The following ZFP91 variants were observed in gnomAD, a reference collection of about 807,000 sequenced individuals.
The protein encoded by ZFP91 is ZFP91 zinc finger protein, atypical E3 ubiquitin ligase, also known as E3 ubiquitin-protein ligase ZFP91.
ZFP91 carries 7 observed loss-of-function variants against 63.5 expected under a neutral mutation model. The ratio of observed to expected loss-of-function variants is 0.11; its 90% CI spans 0.06 to 0.21. The LOEUF (loss-of-function observed/expected upper bound fraction) is 0.21. Among genes scored for constraint, ZFP91 ranks in the 10% least tolerant of loss-of-function variants. The pLI is 1.00. For missense variants in ZFP91, 628 were observed against 736.6 expected, an observed-to-expected ratio of 0.85 and a Z score of 1.71; for synonymous variants, 330 against 272.1, an observed-to-expected ratio of 1.21 and a Z score of -2.10.
intron 1 of ZFP91, among the ~76,000 whole-genome samples, chr11:58,580,261 A>G (rs907021178): frequency 6.6e-5 from 10 of 152,186 alleles, no homozygotes; most frequent in African/African-American, 2.2e-4. Context: ...ACTAAGTAGC[A>G]TATGTTTTAT....
At position 58,611,068 on chromosome 11, in the gene ZFP91, T is replaced by A. The variant is rs1284695887; in HGVS notation, c.722+14T>A. 4 of 1,605,494 alleles carry A rather than the reference T, an allele frequency of 2.5e-6. No individual in the cohort carries two copies. The highest frequency in any genetic ancestry group is 3.4e-6 in the Non-Finnish European group (4 of 1,173,334). ...CCACTTAGAAAGGCATGTCTCAGAT[T>A]TTACTGCAGACATGTTAATGAAATA... On this transcript the variant is annotated intron_variant, in intron 5 of 10. Coordinates refer to ENST00000316059, the MANE Select transcript of ZFP91 (RefSeq NM_053023.5).
intron 2 of ZFP91, among the ~76,000 whole-genome samples, chr11:58,604,753 C>G (rs907931315): frequency 2.0e-5 from 3 of 152,086 alleles, no homozygotes; most frequent in African/African-American, 7.2e-5. Flanking sequence ...ATTTTTTTAT[C>G]TTATCAGCTA....
chr11:58,603,399 GACTTGGTATATA>G (rs1855522433), intron 2 of ZFP91, among the ~76,000 whole-genome samples: 1 of 152,226 alleles, frequency 6.6e-6, no homozygotes, highest in Non-Finnish European at 1.5e-5. Context: ...TCTCTAAAGA[GACTTGGTATATA>G]ACTTGTGGAT....
intron 2 of ZFP91, among the ~76,000 whole-genome samples, chr11:58,601,030 A>T (rs1435104293): frequency 6.6e-6 from 1 of 152,126 alleles, no homozygotes; most frequent in African/African-American, 2.4e-5. Context: ...TCTTCTTAAT[A>T]TGATGCTATA....
intron 2 of ZFP91, among the ~76,000 whole-genome samples, chr11:58,595,565 T>C (rs1855383147): frequency 6.9e-6 from 1 of 144,026 alleles, no homozygotes; most frequent in South Asian, 2.3e-4. Context: ...CTGCCAGTAG[T>C]ATCAATCTTT....
chr11:58,589,352 A>C (rs1310946231), intron 2 of ZFP91, among the ~76,000 whole-genome samples: 1 of 152,188 alleles, frequency 6.6e-6, no homozygotes, highest in Non-Finnish European at 1.5e-5. Context: ...GGCATAAGCC[A>C]CTACACCCAG....
intron 2 of ZFP91, among the ~76,000 whole-genome samples, chr11:58,600,416 G>T (rs1855474395): frequency 6.6e-6 from 1 of 151,306 alleles, no homozygotes; most frequent in African/African-American, 2.4e-5. Flanking sequence ...ATATATTCTG[G>T]CACTTTGAAT....
chr11:58,597,093 G>A (rs1483680481), intron 2 of ZFP91, among the ~76,000 whole-genome samples: 1 of 152,100 alleles, frequency 6.6e-6, no homozygotes, highest in Non-Finnish European at 1.5e-5. Context: ...GTCCCTAACT[G>A]GCAAGGTACT....
At chr11:58,585,512 TCC>T (rs1855192057) in intron 2 of ZFP91, among the ~76,000 whole-genome samples, 1 of 152,194 alleles carries the variant, frequency 6.6e-6, no homozygotes, top group Non-Finnish European at 1.5e-5. Context: ...TTGGCTGTGT[TCC>T]TTGATGTTAA....
chr11:58,604,679 G>A (rs1855542665), intron 2 of ZFP91, among the ~76,000 whole-genome samples: 1 of 152,138 alleles, frequency 6.6e-6, no homozygotes, highest in South Asian at 2.1e-4. Flanking sequence ...GGCTCAGAAC[G>A]GCTTTGAATG....
intron 2 of ZFP91, among the ~76,000 whole-genome samples, chr11:58,593,788 A>C (rs1219727917): frequency 1.3e-5 from 2 of 152,182 alleles, no homozygotes; most frequent in East Asian, 3.9e-4. Flanking sequence ...GAAACAAAAA[A>C]CCCTGATCTT....
At chr11:58,614,430 G>C (rs1855717071) in intron 9 of ZFP91, 87 bp downstream of exon 9, 1 of 973,408 alleles carries the variant, frequency 1.0e-6, no homozygotes, top group Non-Finnish European at 1.5e-6. Context: ...TCTAACATAA[G>C]TCTTAAAAGA....
At chr11:58,616,862 C>T (rs1289190485) in intron 10 of ZFP91, 47 bp downstream of exon 10, 5 of 1,563,142 alleles carry the variant, frequency 3.2e-6, no homozygotes, top group African/African-American at 1.4e-5. Context: ...GGATATATGC[C>T]CTACTTGAAG....
chr11:58,579,757 A>T (rs1431223301), intron 1 of ZFP91, 135 bp downstream of exon 1: 1 of 838,242 alleles, frequency 1.2e-6, no homozygotes, highest in Non-Finnish European at 1.7e-6. Flanking sequence ...CAGATGTCAC[A>T]CCGTTTCCCC....
rs1855335266 is a variant in ZFP91 at position 58,593,081 on chromosome 11, A to G, written c.370+8197A>G. On this transcript the variant is annotated intron_variant, in intron 2 of 10. Transcript: ENST00000316059. ...ATGAGGGATCCACCCCCATTACACAAACACCTCCCACATCCAATATTAGGG... is the reference window on the plus strand; with the variant it reads ...ATGAGGGATCCACCCCCATTACACAGACACCTCCCACATCCAATATTAGGG... 2.0e-5 allele frequency among the ~76,000 whole-genome samples: 3 copies of G among 152,326 alleles called. No homozygotes were observed. The South Asian group carries it at 6.2e-4, about 32-fold the overall frequency.
chr11:58,609,816 G>T lies in ZFP91; in HGVS notation c.371-14G>T, dbSNP rs1855627212. ...ACTGTAAACTTAAAGAGAATGGTAT[G>T]TCTTTTTATTTAGATCCCAAGGAAG... On this transcript the variant is annotated splice_polypyrimidine_tract_variant and intron_variant, in intron 2 of 10. Coordinates refer to ENST00000316059, the MANE Select transcript of ZFP91 (RefSeq NM_053023.5). 7 of 1,609,956 alleles carry T rather than the reference G, an allele frequency of 4.3e-6. No homozygotes were observed. The highest frequency in any genetic ancestry group is 6.0e-6 in the Non-Finnish European group (7 of 1,176,238).
rs1371890873 is a variant in ZFP91, at chr11:58,579,071, C to CGG, written c.-210_-209insGG. ...TGGCCCGCTGAGCGTCTGTGGCGCGCGCGCGCGCGCCGCCAGCGGTAGCGG... is the reference window on the plus strand; with the variant it reads ...TGGCCCGCTGAGCGTCTGTGGCGCGCGGGCGCGCGCGCCGCCAGCGGTAGCGG... On this transcript the variant is annotated 5_prime_UTR_variant, in exon 1 of 11. Coordinates refer to ENST00000316059, the MANE Select transcript of ZFP91 (RefSeq NM_053023.5). The CGG allele has an allele frequency of 8.4e-6, 3 of 355,552 alleles. No homozygotes were observed. The highest frequency in any genetic ancestry group is 4.4e-5 in the East Asian group (1 of 22,798). The allele number at this position is 355,552 out of a possible 1,614,324, so 22.0% of individuals were successfully genotyped here. A position where few individuals can be genotyped will look rare whatever the true frequency, so the allele number is the denominator to read the frequency against.
At chr11:58,616,461 C>T (rs1171590343) in intron 9 of ZFP91, among the ~76,000 whole-genome samples, 2 of 151,592 alleles carry the variant, frequency 1.3e-5, no homozygotes, top group African/African-American at 4.9e-5. Context: ...ATTAGGATTC[C>T]ATTTCTTATA....
intron 4 of ZFP91, 26 bp from the exon 5 acceptor site, chr11:58,610,924 T>C (rs575765077): frequency 1.3e-6 from 2 of 1,599,848 alleles, no homozygotes; most frequent in Admixed American, 1.7e-5. Context: ...AACCAGAATG[T>C]CTCATTTCTA....
Sources: gnomAD v4.1 joint callset for allele counts (sites outside exome capture counted in the v4.1 genomes callset) on GRCh38, gnomAD v4.1.1 for gene constraint, MANE v1.5 for transcripts, NCBI Gene and HGNC (gene_info 2026-07-23, HGNC 2026-07-21) for gene names.